The following FRMD5 variants were observed in gnomAD, a reference collection of about 807,000 sequenced individuals.
FRMD5 encodes the protein FERM domain containing 5.
FRMD5 carries 20 observed loss-of-function variants against 69.0 expected under a neutral mutation model. The observed-to-expected ratio is 0.29, with a 90% CI of 0.20 to 0.42. The LOEUF (loss-of-function observed/expected upper bound fraction) is 0.42. FRMD5 is among the 10% of genes least tolerant of loss of function. The pLI is 1.00. For synonymous variants in FRMD5, 271 were observed against 260.1 expected, an observed-to-expected ratio of 1.04 and a Z score of -0.40; for missense variants, 595 against 708.6, an observed-to-expected ratio of 0.84 and a Z score of 1.82.
At chr15:43,885,495 A>G (rs1332230100) in intron 11 of FRMD5, among the ~76,000 whole-genome samples, 186 bp downstream of exon 11, 1 of 152,190 alleles carries the variant, frequency 6.6e-6, no homozygotes, top group Non-Finnish European at 1.5e-5. Flanking sequence ...TTAAAACCCT[A>G]CAGACAAATT....
At chr15:43,959,649 C>T (rs2090165955) in intron 1 of FRMD5, among the ~76,000 whole-genome samples, 1 of 152,190 alleles carries the variant, frequency 6.6e-6, no homozygotes, top group Non-Finnish European at 1.5e-5. Flanking sequence ...AGGGCTAATA[C>T]TCCATCACTC....
At chr15:44,079,400 G>A (rs1044650128) in intron 1 of FRMD5, among the ~76,000 whole-genome samples, 1 of 152,148 alleles carries the variant, frequency 6.6e-6, no homozygotes, top group Admixed American at 6.6e-5. Context: ...AGTATCATAT[G>A]ATCCAGCAAT....
At chr15:43,906,962 C>G (rs868681493) in intron 5 of FRMD5, among the ~76,000 whole-genome samples, 2 of 152,148 alleles carry the variant, frequency 1.3e-5, no homozygotes, top group African/African-American at 4.8e-5. Flanking sequence ...CCTTTCTCCT[C>G]CAGCTATTCA....
At chr15:43,997,947 T>C (rs1890015124) in intron 1 of FRMD5, among the ~76,000 whole-genome samples, 1 of 152,168 alleles carries the variant, frequency 6.6e-6, no homozygotes, top group South Asian at 2.1e-4. Flanking sequence ...TTTTCCTGTC[T>C]TAAAAAAAGT....
chr15:43,883,909 T>A, intron 12 of FRMD5, 100 bp from the exon 13 acceptor site: 1 of 824,518 alleles, frequency 1.2e-6, no homozygotes, highest in Non-Finnish European at 2.1e-6. Context: ...CTGGCTATAT[T>A]AAGTCTTGGT....
intron 1 of FRMD5, among the ~76,000 whole-genome samples, chr15:44,084,801 A>G (rs772310145): frequency 9.9e-5 from 15 of 152,144 alleles, no homozygotes; most frequent in Non-Finnish European, 1.9e-4. Context: ...AAGACACTTC[A>G]ATTGTTATAT....
intron 1 of FRMD5, among the ~76,000 whole-genome samples, chr15:44,082,201 C>T (rs991379610): frequency 6.6e-6 from 1 of 151,932 alleles, no homozygotes; most frequent in African/African-American, 2.4e-5. Flanking sequence ...TAGCTCATAT[C>T]GGAACACAGA....
intron 1 of FRMD5, among the ~76,000 whole-genome samples, chr15:44,137,172 C>A (rs987410273): frequency 1.3e-5 from 2 of 152,230 alleles, no homozygotes; most frequent in African/African-American, 4.8e-5. Context: ...GCCACCTCTG[C>A]CACCATCGGA....
intron 1 of FRMD5, among the ~76,000 whole-genome samples, chr15:44,159,100 T>C (rs1265911575): frequency 6.6e-6 from 1 of 151,644 alleles, no homozygotes; most frequent in East Asian, 1.9e-4. Context: ...CAGGGCATTC[T>C]ATTCAGAGGA....
At chr15:43,881,362 C>CGG in intron 13 of FRMD5, among the ~76,000 whole-genome samples, 6 of 152,282 alleles carry the variant, frequency 3.9e-5, no homozygotes, top group African/African-American at 1.4e-4. Context: ...AGCCAAGGGA[C>CGG]AGTGAGAGCC....
chr15:43,920,353 G>A (rs895421074), intron 2 of FRMD5, among the ~76,000 whole-genome samples: 4 of 152,108 alleles, frequency 2.6e-5, no homozygotes, highest in Admixed American at 1.3e-4. Flanking sequence ...AACATAAATT[G>A]CCAACCCTTG....
At chr15:44,021,094 G>A (rs1024634597) in intron 1 of FRMD5, among the ~76,000 whole-genome samples, 1 of 152,102 alleles carries the variant, frequency 6.6e-6, no homozygotes, top group Non-Finnish European at 1.5e-5. Flanking sequence ...AGACCAGCCT[G>A]AGCAACATGG....
At chr15:44,157,822 A>T (rs569700776) in intron 1 of FRMD5, among the ~76,000 whole-genome samples, 10 of 152,322 alleles carry the variant, frequency 6.6e-5, no homozygotes, top group African/African-American at 2.2e-4. Context: ...TGTTGTGTCA[A>T]CTGCAAATTT....
At chr15:43,990,895 A>C (rs1031072255) in intron 1 of FRMD5, among the ~76,000 whole-genome samples, 2 of 152,360 alleles carry the variant, frequency 1.3e-5, no homozygotes, top group East Asian at 1.9e-4. Context: ...GTCATTATAC[A>C]TCTCTATAGA....
chr15:44,081,972 T>C (rs1182572854), intron 1 of FRMD5, among the ~76,000 whole-genome samples: 1 of 151,992 alleles, frequency 6.6e-6, no homozygotes, highest in East Asian at 1.9e-4. Context: ...ATCCAAGAAA[T>C]GGCAATTGGC....
intron 1 of FRMD5, among the ~76,000 whole-genome samples, chr15:44,025,299 A>C (rs531341825): frequency 1.3e-4 from 20 of 152,206 alleles, no homozygotes; most frequent in Non-Finnish European, 2.4e-4. Flanking sequence ...ACGTCTAGCT[A>C]GGGGTTAAGA....
At chr15:44,049,865 T>C (rs568271634) in intron 1 of FRMD5, among the ~76,000 whole-genome samples, 2 of 152,328 alleles carry the variant, frequency 1.3e-5, no homozygotes, top group South Asian at 4.1e-4. Context: ...ATCTTTTCCA[T>C]TACTGATTTT....
At position 44,025,480 on chromosome 15, in the gene FRMD5, A is replaced by G. The variant is rs74494463; in HGVS notation, c.103-101171T>C. 9.9e-3 allele frequency among the ~76,000 whole-genome samples: 1,513 copies of G among 152,310 alleles called. 28 individuals are homozygous for G. Among genetic ancestry groups the G allele is most frequent in the African/African-American group, 0.035 (1,451 of 41,544 alleles). On this transcript the variant is annotated intron_variant, in intron 1 of 13. Coordinates refer to ENST00000417257, the MANE Select transcript of FRMD5 (RefSeq NM_032892.5). The stretch of plus-strand genomic sequence containing the variant: ...TATGTAATTATATGTATTATATCTA[A>G]TATCTTATACATCTATGCAGTCTGC...
intron 1 of FRMD5, among the ~76,000 whole-genome samples, chr15:44,135,160 T>C (rs2077163344): frequency 6.6e-6 from 1 of 152,102 alleles, no homozygotes; most frequent in South Asian, 2.1e-4. Flanking sequence ...ACTGAAAAAA[T>C]GTAAAGATGT....
Sources: gnomAD v4.1 joint callset for allele counts (sites outside exome capture counted in the v4.1 genomes callset) on GRCh38, gnomAD v4.1.1 for gene constraint, MANE v1.5 for transcripts, NCBI Gene and HGNC (gene_info 2026-07-23, HGNC 2026-07-21) for gene names.